The following RASGRF1 variants were observed in gnomAD, a reference collection of about 807,000 sequenced individuals.
RASGRF1 encodes Ras protein specific guanine nucleotide releasing factor 1.
RASGRF1 carries 40 observed loss-of-function variants against 138.7 expected under a neutral mutation model. That is an observed-to-expected ratio of 0.29 (90% CI 0.22 to 0.38). RASGRF1 has a LOEUF of 0.38. Ranked by LOEUF, RASGRF1 falls within the 10% of genes least tolerant of loss-of-function variation. The pLI is 1.00. For missense variants in RASGRF1, 1,108 were observed against 1,650.4 expected, an observed-to-expected ratio of 0.67 and a Z score of 5.69; for synonymous variants, 614 against 663.2, an observed-to-expected ratio of 0.93 and a Z score of 1.14.
chr15:79,052,896 C>A (rs1226889581), intron 3 of RASGRF1, among the ~76,000 whole-genome samples: 1 of 152,056 alleles, frequency 6.6e-6, no homozygotes, highest in Non-Finnish European at 1.5e-5. Context: ...AGGACCAAGG[C>A]CACCCTCCCC....
chr15:79,006,149 C>A lies in RASGRF1; in HGVS notation c.2075+37G>T. 2 of 1,612,076 alleles carry A rather than the reference C, an allele frequency of 1.2e-6. No individual in the cohort carries two copies. The highest frequency in any genetic ancestry group is 1.7e-6 in the Non-Finnish European group (2 of 1,178,516). ...TCAGTTTTCCTCCAAGGCTTGGAAG[C>A]TCTCCGGGCATGGGAGGAGGAGGGC... On this transcript the variant is annotated intron_variant, in intron 14 of 26. Transcript: ENST00000558480. The surrounding 1 kb of genome is among the most constrained non-coding windows in gnomAD (Gnocchi z 4.0).
chr15:79,072,433 G>A (rs182364236), intron 1 of RASGRF1, among the ~76,000 whole-genome samples: 3 of 151,608 alleles, frequency 2.0e-5, no homozygotes, highest in Non-Finnish European at 2.9e-5. Context: ...CTGCCACCAC[G>A]CCCGGCTAAT....
chr15:78,986,415 C>T (rs139173103), intron 22 of RASGRF1, among the ~76,000 whole-genome samples: 196 of 151,514 alleles, frequency 1.3e-3, no homozygotes, highest in African/African-American at 4.5e-3. Context: ...GGTGTCATCT[C>T]GGCTCACTTC....
At chr15:79,016,673 T>C (rs1313642483) in intron 12 of RASGRF1, among the ~76,000 whole-genome samples, 1 of 152,100 alleles carries the variant, frequency 6.6e-6, no homozygotes, top group East Asian at 1.9e-4. Context: ...TGAAGACATG[T>C]GGGAAGACTC....
intron 3 of RASGRF1, among the ~76,000 whole-genome samples, chr15:79,055,480 AG>A (rs1385654263): frequency 6.6e-6 from 1 of 152,114 alleles, no homozygotes; most frequent in Non-Finnish European, 1.5e-5. Flanking sequence ...CTTCTTTCAA[AG>A]TCTTCTTTAA....
chr15:79,026,794 T>C (rs531137911), intron 9 of RASGRF1, among the ~76,000 whole-genome samples: 224 of 152,274 alleles, frequency 1.5e-3, no homozygotes, highest in Non-Finnish European at 2.3e-3. Flanking sequence ...CCTAAAATAC[T>C]GTGTGAGAAT....
rs79497402 is a variant in RASGRF1 at position 78,971,962 on chromosome 15, T to C, written c.3613-28A>G. 2,984 of 1,541,034 alleles carry C rather than the reference T, an allele frequency of 1.9e-3. 52 individuals carry two copies. In the African/African-American group the frequency reaches 0.035, roughly 18 times the overall value. ...GTGGGAAGGAAGGAGTGTTTCAGAA[T>C]GCAGTTTGCTCTCCTAGTTCCACCC... On this transcript the variant is annotated intron_variant, in intron 25 of 26. Coordinates refer to ENST00000558480, the MANE Select transcript of RASGRF1 (RefSeq NM_001145648.3).
chr15:79,010,197 C>T (rs575599817), intron 13 of RASGRF1, among the ~76,000 whole-genome samples: 2 of 152,102 alleles, frequency 1.3e-5, no homozygotes, highest in African/African-American at 4.8e-5. Flanking sequence ...CCACAATGAC[C>T]AGCTAATTTT....
At chr15:78,978,227 T>C (rs1157626078) in intron 24 of RASGRF1, among the ~76,000 whole-genome samples, 10 of 29,514 alleles carry the variant, frequency 3.4e-4, no homozygotes, top group East Asian at 2.5e-3. Flanking sequence ...TTTGTTTTTT[T>C]TTTTTTTTTT....
intron 11 of RASGRF1, 74 bp downstream of exon 11, chr15:79,019,967 G>A: frequency 6.4e-7 from 1 of 1,565,612 alleles, no homozygotes; most frequent in Admixed American, 1.7e-5. Flanking sequence ...CTAATGCCTG[G>A]CCCAACCTTT....
chr15:79,046,745 C>A lies in RASGRF1; in HGVS notation c.878+1G>T. ...CTTGGCCAACCTTTAGGGGTGCTCA[C>A]CTGTTCAGGAAGATGCTGCTGACGT... On this transcript the variant is annotated splice_donor_variant, in intron 5 of 26. Transcript: ENST00000558480. LOFTEE classifies it high-confidence loss of function. The surrounding 1 kb of genome is among the most constrained non-coding windows in gnomAD (Gnocchi z 5.3). 2.5e-6 allele frequency: 4 copies of A among 1,614,192 alleles called. No homozygotes were observed. Among genetic ancestry groups the A allele is most frequent in the Non-Finnish European group, 3.4e-6 (4 of 1,180,008 alleles).
intron 14 of RASGRF1, among the ~76,000 whole-genome samples, chr15:79,004,486 C>A (rs573984165): frequency 2.0e-3 from 297 of 152,198 alleles, no homozygotes; most frequent in African/African-American, 6.8e-3. Flanking sequence ...GCGGACTGTG[C>A]AAAACCCCCC....
At chr15:78,980,781 A>C in intron 23 of RASGRF1, 82 bp from the exon 24 acceptor site, 67 of 1,024,908 alleles carry the variant, frequency 6.5e-5, no homozygotes, top group Non-Finnish European at 9.1e-5. Context: ...ACACTCCAAC[A>C]TGCTGCCCAA....
intron 26 of RASGRF1, among the ~76,000 whole-genome samples, chr15:78,971,462 T>C (rs1465246602): frequency 2.0e-5 from 3 of 152,242 alleles, no homozygotes; most frequent in Non-Finnish European, 4.4e-5. Context: ...CCTGTGGACC[T>C]AGACACAAGA....
chr15:79,030,566 C>T (rs2057122577), intron 8 of RASGRF1, among the ~76,000 whole-genome samples: 1 of 152,186 alleles, frequency 6.6e-6, no homozygotes, highest in Non-Finnish European at 1.5e-5. Flanking sequence ...TGAATTGGCA[C>T]CTAAGTTCAA....
chr15:79,033,146 G>A (rs966930672), intron 6 of RASGRF1, among the ~76,000 whole-genome samples: 1 of 152,134 alleles, frequency 6.6e-6, no homozygotes, highest in African/African-American at 2.4e-5. Context: ...TATATACTTT[G>A]CCTTTCCAGT....
In RASGRF1 at chr15:79,069,904, A is replaced by G. The variant is rs916400450; in HGVS notation, c.277-5378T>C. On this transcript the variant is annotated intron_variant, in intron 1 of 26. Transcript: ENST00000558480. ...ATCCCACAACCTAGCTTTCACCATT[A>G]CACTTTATGGCACTTGCAGAAAACC... is the stretch of plus-strand genomic sequence containing the variant. 2.0e-4 allele frequency among the ~76,000 whole-genome samples: 31 copies of G among 152,316 alleles called. 1 individual carries two copies. Among genetic ancestry groups the G allele is most frequent in the African/African-American group, 6.7e-4 (28 of 41,572 alleles).
intron 5 of RASGRF1, among the ~76,000 whole-genome samples, chr15:79,039,261 C>T (rs2057263103): frequency 7.4e-6 from 1 of 134,894 alleles, no homozygotes; most frequent in Non-Finnish European, 1.5e-5. Context: ...CACATCACTG[C>T]ACTCCAGCCT....
At chr15:79,049,456 G>A in intron 4 of RASGRF1, 40 bp downstream of exon 4, 2 of 1,588,486 alleles carry the variant, frequency 1.3e-6, no homozygotes, top group East Asian at 2.2e-5. Context: ...TCTCTAAAGA[G>A]AGAGCTCCAA....
Sources: allele counts gnomAD v4.1 joint callset (sites outside exome capture counted in the v4.1 genomes callset), GRCh38; gene constraint gnomAD v4.1.1; non-coding constraint Gnocchi (gnomAD v3.1); transcripts MANE v1.5; gene names NCBI Gene and HGNC (gene_info 2026-07-23, HGNC 2026-07-21).